Variants in CATSPERB observed in about 807,000 individuals in gnomAD.
CATSPERB encodes the protein catsper channel auxiliary subunit beta, also known as cation channel sperm-associated auxiliary subunit beta.
A neutral mutation model predicts 128.3 loss-of-function variants in CATSPERB; 93 were observed. The observed-to-expected ratio is 0.72, with a 90% CI of 0.61 to 0.86. The LOEUF is 0.86. CATSPERB is among the 40% of genes least tolerant of loss of function. The pLI is 0.00. For synonymous variants in CATSPERB, 381 were observed against 448.8 expected, an observed-to-expected ratio of 0.85 and a Z score of 1.91; for missense variants, 1,153 against 1,329.5, an observed-to-expected ratio of 0.87 and a Z score of 2.06.
intron 15 of CATSPERB, among the ~76,000 whole-genome samples, chr14:91,647,732 T>C (rs1894630999): frequency 6.6e-6 from 1 of 152,170 alleles, no homozygotes; most frequent in African/African-American, 2.4e-5. Flanking sequence ...CCCCCATGAT[T>C]AAATTACCTC....
chr14:91,666,406 C>G (rs1171922094), intron 14 of CATSPERB, among the ~76,000 whole-genome samples: 1 of 152,188 alleles, frequency 6.6e-6, no homozygotes, highest in Non-Finnish European at 1.5e-5. Context: ...AGAATGGGAA[C>G]CAGAGGCAGA....
intron 22 of CATSPERB, 81 bp downstream of exon 22, chr14:91,608,213 C>T: frequency 2.3e-6 from 2 of 874,602 alleles, no homozygotes; most frequent in Non-Finnish European, 3.8e-6. Context: ...TCATTTAACA[C>T]TTATAGCTAT....
intron 14 of CATSPERB, among the ~76,000 whole-genome samples, chr14:91,665,515 A>C (rs557767116): frequency 6.6e-6 from 1 of 152,172 alleles, no homozygotes; most frequent in Non-Finnish European, 1.5e-5. Context: ...ACCAAATGCA[A>C]ATTGTGTTCC....
At chr14:91,616,731 C>T (rs1362150203) in intron 20 of CATSPERB, among the ~76,000 whole-genome samples, 6 of 132,644 alleles carry the variant, frequency 4.5e-5, no homozygotes, top group Non-Finnish European at 8.1e-5. Flanking sequence ...TAAAGTATTC[C>T]CCTTTTTTTT....
rs751586456 is a variant in CATSPERB, at chr14:91,672,948, T to A, written c.1047A>T (p.Lys349Asn). ...EWVPCLPHIF[K>N]GIKIFPTVLT... ...GCACAGTTGGAAAAATTTTTATTCC[T>A]TTAAAAATGTGAGGTAAGCAGGGTA... Residue 349 changes from lysine to asparagine, a missense_variant, in exon 13 of 27, where the codon AAA (lysine) becomes AAT (asparagine). Physicochemically the swap from Lys to Asn is moderately conservative, Grantham distance 94. Coordinates refer to ENST00000256343, the MANE Select transcript of CATSPERB (RefSeq NM_024764.4). 6.2e-7 allele frequency: 1 copy of A among 1,604,130 alleles called. No individual in the cohort carries two copies. Among genetic ancestry groups the A allele is most frequent in the South Asian group, 1.1e-5 (1 of 88,250 alleles).
rs76397653 is a variant in CATSPERB at position 91,682,979 on chromosome 14, C to T, written c.931+898G>A. Among the ~76,000 whole-genome samples the T allele has an allele frequency of 9.9e-3, 1,509 of 152,230 alleles. 19 individuals carry two copies. Among genetic ancestry groups the T allele is most frequent in the African/African-American group, 0.034 (1,396 of 41,532 alleles). On this transcript the variant is annotated intron_variant, in intron 11 of 26. Transcript: ENST00000256343. ...ATACTAGATTATTCTCACAATATAACCTAACCTATGCATGCATTGGATACT... is the reference window on the plus strand; with the variant it reads ...ATACTAGATTATTCTCACAATATAATCTAACCTATGCATGCATTGGATACT...
chr14:91,704,488 T>C, intron 7 of CATSPERB, 64 bp downstream of exon 7: 1 of 1,505,254 alleles, frequency 6.6e-7, no homozygotes, highest in South Asian at 1.4e-5. Context: ...CTGCTGCCAG[T>C]TAAACATTAC....
At chr14:91,614,988 G>T (rs1278839760) in intron 20 of CATSPERB, among the ~76,000 whole-genome samples, 4 of 151,998 alleles carry the variant, frequency 2.6e-5, no homozygotes, top group African/African-American at 9.7e-5. Context: ...TACTCTCTTA[G>T]CAATTCTGAA....
chr14:91,617,891 CT>C (rs1566705714), intron 19 of CATSPERB, among the ~76,000 whole-genome samples, 155 bp from the exon 20 acceptor site: 2 of 152,140 alleles, frequency 1.3e-5, no homozygotes, highest in African/African-American at 4.8e-5. Context: ...ATAGAGTCAA[CT>C]TTAATAGTTC....
intron 22 of CATSPERB, among the ~76,000 whole-genome samples, chr14:91,607,181 A>T (rs1026360733): frequency 3.3e-5 from 5 of 151,922 alleles, no homozygotes; most frequent in Non-Finnish European, 7.4e-5. Context: ...GATATAGTAG[A>T]GAAGAAATAG....
intron 18 of CATSPERB, 57 bp from the exon 19 acceptor site, chr14:91,621,994 C>G: frequency 1.7e-6 from 2 of 1,172,844 alleles, no homozygotes; most frequent in Middle Eastern, 2.0e-4. Context: ...GTTTGCCAAA[C>G]AAACTGATGT....
intron 5 of CATSPERB, among the ~76,000 whole-genome samples, chr14:91,718,435 T>G (rs1895977277): frequency 6.6e-6 from 1 of 152,128 alleles, no homozygotes; most frequent in African/African-American, 2.4e-5. Flanking sequence ...GTTTGGAATG[T>G]CCTTTACTCC....
Position 91,608,331 on chromosome 14 carries a change from C to T in CATSPERB, c.2672G>A (p.Ser891Asn). 6.2e-7 allele frequency: 1 copy of T among 1,612,194 alleles called. No homozygotes were observed. The highest frequency in any genetic ancestry group is 8.5e-7 in the Non-Finnish European group (1 of 1,178,598). ...LTDNFYHADP[S>N]KPIPRNMFHM... ...AAACATGTTTCTTGGTATGGGTTTG[C>T]TAGGATCTGCATGATAAAAATTATC... Residue 891 changes from serine to asparagine, a missense_variant, in exon 22 of 27, where the codon AGC becomes AAC. By Grantham distance (46) the Ser-to-Asn change is conservative (BLOSUM62 1). Coordinates refer to ENST00000256343, the MANE Select transcript of CATSPERB (RefSeq NM_024764.4).
intron 22 of CATSPERB, chr14:91,604,998 A>G (rs560655744): frequency 8.6e-7 from 1 of 1,165,550 alleles, no homozygotes; most frequent in East Asian, 2.3e-5. Context: ...TTGAGTACAA[A>G]CAGCTGTGTG....
At chr14:91,638,464 A>C (rs902109217) in intron 16 of CATSPERB, among the ~76,000 whole-genome samples, 2 of 151,168 alleles carry the variant, frequency 1.3e-5, no homozygotes, top group African/African-American at 4.9e-5. Flanking sequence ...TGGCACGATC[A>C]CAGCTCACTT....
intron 24 of CATSPERB, 71 bp downstream of exon 24, chr14:91,589,463 C>T: frequency 3.4e-6 from 5 of 1,463,420 alleles, no homozygotes; most frequent in Non-Finnish European, 4.6e-6. Context: ...CTTTGAAAAC[C>T]ATTGATCTTT....
chr14:91,685,348 A>C (rs1368108537), intron 10 of CATSPERB, among the ~76,000 whole-genome samples: 1 of 152,206 alleles, frequency 6.6e-6, no homozygotes, highest in Non-Finnish European at 1.5e-5. Flanking sequence ...TTTTAAAATG[A>C]AGAAATTGAG....
intron 22 of CATSPERB, among the ~76,000 whole-genome samples, chr14:91,598,609 G>A (rs978360247): frequency 1.3e-4 from 20 of 151,854 alleles, no homozygotes; most frequent in South Asian, 2.1e-4. Context: ...CTGTAATCCC[G>A]GCACTTTGGG....
At chr14:91,659,660 T>C (rs1894841258) in intron 15 of CATSPERB, among the ~76,000 whole-genome samples, 177 bp downstream of exon 15, 1 of 152,200 alleles carries the variant, frequency 6.6e-6, no homozygotes, top group Admixed American at 6.5e-5. Context: ...CATGGTGACC[T>C]AGTGTTGCCT....
Sources: gnomAD v4.1 joint callset for allele counts (sites outside exome capture counted in the v4.1 genomes callset) on GRCh38, gnomAD v4.1.1 for gene constraint, MANE v1.5 for transcripts, NCBI Gene and HGNC (gene_info 2026-07-23, HGNC 2026-07-21) for gene names.